Variants in NOVA1 observed in about 807,000 individuals in gnomAD.
NOVA1 encodes RNA-binding protein Nova-1.
A neutral mutation model predicts 38.0 loss-of-function variants in NOVA1; 7 were observed. That is an observed-to-expected ratio of 0.18 (90% CI 0.10 to 0.35). The LOEUF is 0.35. Among genes scored for constraint, NOVA1 ranks in the 10% least tolerant of loss-of-function variants. The pLI is 1.00. For missense variants in NOVA1, 460 were observed against 616.0 expected (o/e 0.75, Z 2.68); for synonymous variants, 270 against 232.5 (o/e 1.16, Z -1.47).
chr14:26,597,025 G>C lies in NOVA1; in HGVS notation c.136+276C>G, dbSNP rs936565446. 8.3e-6 allele frequency: 10 copies of C among 1,211,378 alleles called. No homozygotes were observed. The African/African-American group carries it at 9.4e-5, about 11-fold the overall frequency. The allele number at this position is 1,211,378 out of a possible 1,614,324, so 75.0% of individuals were successfully genotyped here. ...AGGATATTTACATGGTCAACCTCTG[G>C]ACCGATTAAATGGAAAGATAGGTCT... On this transcript the variant is annotated intron_variant, in intron 1 of 4. Transcript: ENST00000539517.
At chr14:26,489,218 T>G (rs1434984716) in intron 2 of NOVA1, among the ~76,000 whole-genome samples, 1 of 152,166 alleles carries the variant, frequency 6.6e-6, no homozygotes, top group East Asian at 1.9e-4. Flanking sequence ...TTATGTCATA[T>G]TTTTTAAAAA....
intron 2 of NOVA1, among the ~76,000 whole-genome samples, chr14:26,503,241 C>T (rs1161604861): frequency 2.0e-5 from 3 of 151,828 alleles, no homozygotes; most frequent in Non-Finnish European, 2.9e-5. Flanking sequence ...AGGTAAACAT[C>T]AACCCCAAAA....
At chr14:26,557,087 T>C (rs754470200) in intron 2 of NOVA1, among the ~76,000 whole-genome samples, 56 of 152,144 alleles carry the variant, frequency 3.7e-4, no homozygotes, top group Admixed American at 1.0e-3. Context: ...TCTCCTCTTA[T>C]AAGGATACCA....
At chr14:26,462,286 A>G (rs1883745406) in intron 4 of NOVA1, among the ~76,000 whole-genome samples, 1 of 152,210 alleles carries the variant, frequency 6.6e-6, no homozygotes, top group Non-Finnish European at 1.5e-5. Flanking sequence ...CAACTTTTGT[A>G]CAAATTTAGT....
In NOVA1 at chr14:26,472,376, G is replaced by C; in HGVS notation, c.463C>G (p.Pro155Ala). The C allele has an allele frequency of 6.5e-7, 1 of 1,540,096 alleles. No homozygotes were observed. The highest frequency in any genetic ancestry group is 8.8e-7 in the Non-Finnish European group (1 of 1,138,160). The part of the protein sequence containing the change: ...DRIKQTLPSS[P>A]TTTKSSPSDP... Reference sequence around the variant, plus strand: ...GATGGAGAGGACTTGGTGGTAGTTGGGGAAGATGGCAATGTCTGGGAAACA... The same window carrying C: ...GATGGAGAGGACTTGGTGGTAGTTGCGGAAGATGGCAATGTCTGGGAAACA... The change falls in exon 4 of 5, where the codon CCA becomes GCA. Residue 155 changes from proline (P) to alanine (A), a missense_variant. Transcript: ENST00000539517.
rs1426675267 is a variant in NOVA1 at position 26,443,497 on chromosome 14, T to C, written c.*4462A>G. 4 of 152,248 alleles carry C rather than the reference T, an allele frequency of 2.6e-5. No individual in the cohort carries two copies. The highest frequency in any genetic ancestry group is 9.7e-5 in the African/African-American group (4 of 41,426). The allele number at this position is 152,248 out of a possible 1,614,324, so 9.4% of individuals were successfully genotyped here. On this transcript the variant is annotated 3_prime_UTR_variant, in exon 5 of 5. Coordinates refer to ENST00000539517, the MANE Select transcript of NOVA1 (RefSeq NM_002515.3). ...TGGAATGACATCCTGTCTAGTACTA[T>C]ACCTCAATATTTTTCAAAATTAACA...
chr14:26,448,498 G>A lies in NOVA1; in HGVS notation c.985C>T (p.Leu329Phe). The change falls in exon 5 of 5, where the codon CTC becomes TTC. Residue 329 changes from leucine to phenylalanine, a missense_variant. Transcript: ENST00000539517. The surrounding 1 kb of genome is among the most constrained non-coding windows in gnomAD (Gnocchi z 5.3). The stretch of plus-strand genomic sequence containing the variant: ...CTGAGACCTAAACCTAAAGTGTTGA[G>A]ATTATATCCATAGCTGGCTAATGTA... ...LNTLASYGYN[L>F]NTLGLGLSQA... is the part of the protein sequence containing the mutation. 1 of 1,614,094 alleles carries A rather than the reference G, an allele frequency of 6.2e-7. No individual in the cohort carries two copies. Among genetic ancestry groups the A allele is most frequent in the Non-Finnish European group, 8.5e-7 (1 of 1,180,038 alleles).
chr14:26,533,533 G>A (rs1036113192), intron 2 of NOVA1, among the ~76,000 whole-genome samples: 3 of 152,126 alleles, frequency 2.0e-5, no homozygotes, highest in African/African-American at 4.8e-5. Flanking sequence ...ACTCTTTCCT[G>A]ACCAATACCT....
chr14:26,470,312 C>T, intron 4 of NOVA1: 1 of 1,418,548 alleles, frequency 7.0e-7, no homozygotes, highest in African/African-American at 1.4e-5. Flanking sequence ...ACAAAAAACA[C>T]ATTTCCTTCT....
chr14:26,470,541 T>C (rs1360125964), intron 4 of NOVA1: 2 of 1,181,776 alleles, frequency 1.7e-6, no homozygotes, highest in African/African-American at 1.5e-5. Context: ...TATAACAGAG[T>C]ATAGTGGACA....
intron 2 of NOVA1, among the ~76,000 whole-genome samples, chr14:26,532,095 T>C (rs899041801): frequency 1.3e-5 from 2 of 152,144 alleles, no homozygotes; most frequent in Non-Finnish European, 2.9e-5. Flanking sequence ...GCTCATGAAA[T>C]AGTGGCAGGA....
intron 2 of NOVA1, 61 bp downstream of exon 2, chr14:26,595,349 C>T: frequency 1.3e-6 from 2 of 1,523,692 alleles, no homozygotes; most frequent in South Asian, 1.2e-5. Flanking sequence ...GCACACAACA[C>T]AAGTAGATCT....
intron 2 of NOVA1, among the ~76,000 whole-genome samples, chr14:26,503,293 G>C (rs925727302): frequency 6.6e-6 from 1 of 151,592 alleles, no homozygotes; most frequent in African/African-American, 2.4e-5. Flanking sequence ...TGAATCTCAC[G>C]CACACACCCA....
intron 2 of NOVA1, among the ~76,000 whole-genome samples, chr14:26,575,857 A>G (rs1048410398): frequency 6.6e-6 from 1 of 152,058 alleles, no homozygotes; most frequent in Non-Finnish European, 1.5e-5. Flanking sequence ...GTTTTTAATA[A>G]TTGAGTACAG....
intron 2 of NOVA1, among the ~76,000 whole-genome samples, chr14:26,485,467 T>C (rs1358269075): frequency 6.6e-6 from 1 of 152,144 alleles, no homozygotes; most frequent in Non-Finnish European, 1.5e-5. Context: ...TAATGGATAA[T>C]TTAACAATTT....
chr14:26,469,419 C>T (rs1165329469), intron 4 of NOVA1, among the ~76,000 whole-genome samples: 2 of 152,144 alleles, frequency 1.3e-5, no homozygotes, highest in Non-Finnish European at 1.5e-5. Flanking sequence ...AAGCCATTTG[C>T]TTTATTATTT....
At chr14:26,586,905 T>C (rs998057168) in intron 2 of NOVA1, among the ~76,000 whole-genome samples, 1 of 147,938 alleles carries the variant, frequency 6.8e-6, no homozygotes, top group Non-Finnish European at 1.5e-5. Context: ...GGCCATCATC[T>C]CAGTTTTTTT....
chr14:26,526,366 T>A (rs1889298558), intron 2 of NOVA1, among the ~76,000 whole-genome samples: 1 of 152,174 alleles, frequency 6.6e-6, no homozygotes, highest in Admixed American at 6.5e-5. Flanking sequence ...ATTCTTATAA[T>A]TTCAAGGCTG....
In NOVA1 at chr14:26,597,551, T is replaced by A. The variant is rs1416529664; in HGVS notation, c.-115A>T. ...TTTTGCGTTTGGGGTTTCTTAAGGT[T>A]TTTTTTTTTTAATCGGATCAATATA... On this transcript the variant is annotated 5_prime_UTR_variant, in exon 1 of 5. Coordinates refer to ENST00000539517, the MANE Select transcript of NOVA1 (RefSeq NM_002515.3). The A allele has an allele frequency of 8.4e-7, 1 of 1,196,920 alleles. No homozygotes were observed. The highest frequency in any genetic ancestry group is 1.6e-5 in the African/African-American group (1 of 61,220). 74.1% of individuals were successfully genotyped at this position (1,196,920 alleles called of 1,614,324 possible).
Sources: allele counts gnomAD v4.1 joint callset (sites outside exome capture counted in the v4.1 genomes callset), GRCh38; gene constraint gnomAD v4.1.1; non-coding constraint Gnocchi (gnomAD v3.1); transcripts MANE v1.5; gene names NCBI Gene and HGNC (gene_info 2026-07-23, HGNC 2026-07-21).